Variants in TRAPPC9 observed in about 807,000 individuals in gnomAD.
The protein encoded by TRAPPC9 is trafficking protein particle complex subunit 9.
A neutral mutation model predicts 124.0 loss-of-function variants in TRAPPC9; 83 were observed. The observed-to-expected ratio is 0.67, with a 90% CI of 0.56 to 0.80. The LOEUF (loss-of-function observed/expected upper bound fraction) is 0.80, where lower values mean the gene tolerates loss of function less well. Among genes scored for constraint, TRAPPC9 ranks in the 30% least tolerant of loss-of-function variants. TRAPPC9 has a pLI of 0.00. For synonymous variants in TRAPPC9, 638 were observed against 617.5 expected (o/e 1.03, Z -0.49); for missense variants, 1,302 against 1,508.3 (o/e 0.86, Z 2.27).
chr8:139,763,158 A>G (rs934373801), intron 21 of TRAPPC9, among the ~76,000 whole-genome samples: 1 of 152,194 alleles, frequency 6.6e-6, no homozygotes, highest in African/African-American at 2.4e-5. Flanking sequence ...CAAGCGACTC[A>G]TTTTTGTCTT....
At chr8:140,245,803 G>A (rs1240526231) in intron 16 of TRAPPC9, among the ~76,000 whole-genome samples, 1 of 152,170 alleles carries the variant, frequency 6.6e-6, no homozygotes, top group Non-Finnish European at 1.5e-5. Flanking sequence ...CTGGGACACT[G>A]CTAATTCACA....
intron 1 of TRAPPC9, among the ~76,000 whole-genome samples, chr8:140,453,288 CTCTATCTAATTTTGCATTTT>C (rs1265976254): frequency 2.6e-5 from 4 of 152,110 alleles, no homozygotes; most frequent in Non-Finnish European, 5.9e-5. Flanking sequence ...TTCCATGGCC[CTCTATCTAATTTTGCATTTT>C]TAATTTTGTT....
intron 19 of TRAPPC9, among the ~76,000 whole-genome samples, chr8:139,942,440 C>A (rs948058555): frequency 3.9e-5 from 6 of 152,108 alleles, no homozygotes; most frequent in African/African-American, 1.2e-4. Context: ...ATGCTAGAGA[C>A]AGAATTTGAG....
At chr8:140,093,682 AAAAGACTTC>A (rs1844730239) in intron 17 of TRAPPC9, among the ~76,000 whole-genome samples, 2 of 152,224 alleles carry the variant, frequency 1.3e-5, no homozygotes, top group African/African-American at 4.8e-5. Flanking sequence ...AAAAAAAAAA[AAAAGACTTC>A]AGACAGTAAA....
chr8:139,796,571 G>A (rs1823111797), intron 21 of TRAPPC9, among the ~76,000 whole-genome samples: 1 of 152,252 alleles, frequency 6.6e-6, no homozygotes, highest in Non-Finnish European at 1.5e-5. Context: ...CCATGTTATA[G>A]CATGTGTCAG....
At chr8:140,193,593 T>C (rs1449312989) in intron 17 of TRAPPC9, among the ~76,000 whole-genome samples, 1 of 103,398 alleles carries the variant, frequency 9.7e-6, no homozygotes, top group South Asian at 3.2e-4. Context: ...CAAAGTTCCA[T>C]AAGGGCAGAA....
rs1256445965 is a variant in TRAPPC9, at chr8:140,249,622, G to C, written c.2431+3155C>G. On this transcript the variant is annotated intron_variant, in intron 16 of 22. Transcript: ENST00000438773. ...CTTTTTTTTTTTTTTTTTTTTTTTT[G>C]AGATGGAGTCTCGCTCTGTCACCCA... Among the ~76,000 whole-genome samples, 4 of 22,604 alleles carry C rather than the reference G, an allele frequency of 1.8e-4. No homozygotes were observed. In the East Asian group the frequency reaches 3.5e-3, roughly 20 times the overall value. The allele number at this position is 22,604 out of a possible 152,430, so 14.8% of individuals were successfully genotyped here. A position where few individuals can be genotyped will look rare whatever the true frequency, so the allele number is the denominator to read the frequency against.
At chr8:139,751,331 T>C (rs989758825) in intron 21 of TRAPPC9, among the ~76,000 whole-genome samples, 6 of 152,168 alleles carry the variant, frequency 3.9e-5, no homozygotes, top group African/African-American at 1.4e-4. Context: ...CCACAGCACC[T>C]GGGATTGACC....
At position 140,397,759 on chromosome 8, in the gene TRAPPC9, A is replaced by G. The variant is rs1427574629; in HGVS notation, c.1009-14T>C. The stretch of plus-strand genomic sequence containing the variant: ...CGCATTCTTATACTGCAGGGTGTAA[A>G]GGAAATGCCTCAGTCAAAAAAGAGT... On this transcript the variant is annotated splice_polypyrimidine_tract_variant and intron_variant, in intron 6 of 22. Transcript: ENST00000438773. 1.2e-6 allele frequency: 2 copies of G among 1,613,932 alleles called. No individual in the cohort carries two copies. Among genetic ancestry groups the G allele is most frequent in the South Asian group, 1.1e-5 (1 of 91,086 alleles).
At chr8:140,220,789 G>C (rs1178314374) in intron 17 of TRAPPC9, among the ~76,000 whole-genome samples, 2 of 152,166 alleles carry the variant, frequency 1.3e-5, no homozygotes, top group African/African-American at 4.8e-5. Flanking sequence ...GCATCCCAAA[G>C]GCTGGTCCTG....
chr8:139,804,954 G>A (rs1823938029), intron 21 of TRAPPC9, among the ~76,000 whole-genome samples: 1 of 152,174 alleles, frequency 6.6e-6, no homozygotes, highest in African/African-American at 2.4e-5. Context: ...CAGCAAGCTG[G>A]AGCTCAGGGC....
At position 140,063,451 on chromosome 8, in the gene TRAPPC9, G is replaced by A. The variant is rs1306384467; in HGVS notation, c.2557-39372C>T. ...AGAGCTCCTAGTTGATTTAGTGTAT[G>A]TCCCTGTTAGCATGTGGCATTCCAG... On this transcript the variant is annotated intron_variant, in intron 17 of 22. Coordinates refer to ENST00000438773, the MANE Select transcript of TRAPPC9 (RefSeq NM_001160372.4). The surrounding 1 kb of genome is among the most constrained non-coding windows in gnomAD (Gnocchi z 4.3). Among the ~76,000 whole-genome samples, 3 of 152,116 alleles carry A rather than the reference G, an allele frequency of 2.0e-5. No homozygotes were observed. Among genetic ancestry groups the A allele is most frequent in the African/African-American group, 7.2e-5 (3 of 41,418 alleles).
At chr8:140,458,519 G>T, upstream of TRAPPC9, 1 of 1,583,312 alleles carries the variant, frequency 6.3e-7, no homozygotes. Flanking sequence ...GCCTGGGCCG[G>T]CTTCCCCCTG....
intron 21 of TRAPPC9, among the ~76,000 whole-genome samples, chr8:139,802,253 G>A (rs1823592171): frequency 6.6e-6 from 1 of 152,202 alleles, no homozygotes; most frequent in Non-Finnish European, 1.5e-5. Flanking sequence ...TGGCGCAGGA[G>A]AGACCAGCAA....
chr8:139,988,594 C>A (rs545284577), intron 19 of TRAPPC9, 132 bp downstream of exon 19: 4 of 688,030 alleles, frequency 5.8e-6, no homozygotes, highest in African/African-American at 3.5e-5. Context: ...ATAGTCACTA[C>A]GGTATCTCTG....
intron 17 of TRAPPC9, among the ~76,000 whole-genome samples, chr8:140,142,094 G>A (rs1452917915): frequency 6.6e-6 from 1 of 152,194 alleles, no homozygotes; most frequent in Non-Finnish European, 1.5e-5. Context: ...GCAGTCGACA[G>A]AATGGTTATA....
In TRAPPC9 at chr8:140,088,473, C is replaced by T. The variant is rs192270080; in HGVS notation, c.2557-64394G>A. On this transcript the variant is annotated intron_variant, in intron 17 of 22. Transcript: ENST00000438773. ...GCCTCATCTCCGCTTAAACACACAACGAGGACTGGGACCTTTTGAAATTAT... is the reference window on the plus strand; with the variant it reads ...GCCTCATCTCCGCTTAAACACACAATGAGGACTGGGACCTTTTGAAATTAT... Among the ~76,000 whole-genome samples the T allele has an allele frequency of 6.0e-4, 91 of 152,286 alleles. 1 individual carries two copies. Among genetic ancestry groups the T allele is most frequent in the South Asian group, 4.1e-4 (2 of 4,828 alleles).
chr8:140,046,002 A>G (rs1419451531), intron 17 of TRAPPC9, among the ~76,000 whole-genome samples: 1 of 152,112 alleles, frequency 6.6e-6, no homozygotes, highest in Admixed American at 6.5e-5. Flanking sequence ...AAGAAAAAGG[A>G]ATCTGGAGAC....
chr8:140,445,174 C>A (rs1467885916), intron 2 of TRAPPC9, among the ~76,000 whole-genome samples: 2 of 152,208 alleles, frequency 1.3e-5, no homozygotes. Flanking sequence ...AAGAAACAGC[C>A]CACCGGCTAC....
Sources: allele counts gnomAD v4.1 joint callset (sites outside exome capture counted in the v4.1 genomes callset), GRCh38; gene constraint gnomAD v4.1.1; non-coding constraint Gnocchi (gnomAD v3.1); transcripts MANE v1.5; gene names NCBI Gene and HGNC (gene_info 2026-07-23, HGNC 2026-07-21).